Variants in ZFAND6 observed in about 807,000 individuals in gnomAD.
The protein encoded by ZFAND6 is zinc finger AN1-type containing 6, also known as AN1-type zinc finger protein 6.
ZFAND6 carries 12 observed loss-of-function variants against 24.5 expected under a neutral mutation model. That is an observed-to-expected ratio of 0.49 (90% confidence interval 0.31 to 0.79). The LOEUF (loss-of-function observed/expected upper bound fraction) is 0.79, where lower values mean the gene tolerates loss of function less well. Among genes scored for constraint, ZFAND6 ranks in the 30% least tolerant of loss-of-function variants. ZFAND6 has a pLI of 0.04. For missense variants in ZFAND6, 207 were observed against 245.9 expected, an observed-to-expected ratio of 0.84 and a Z score of 1.06; for synonymous variants, 92 against 81.5, an observed-to-expected ratio of 1.13 and a Z score of -0.69.
At chr15:80,093,941 T>C (rs1042257460) in intron 1 of ZFAND6, among the ~76,000 whole-genome samples, 3 of 152,182 alleles carry the variant, frequency 2.0e-5, no homozygotes. Flanking sequence ...AGTCATACCT[T>C]ATCATCAGTG....
chr15:80,100,586 T>C (rs1234901595), intron 2 of ZFAND6, among the ~76,000 whole-genome samples: 1 of 152,240 alleles, frequency 6.6e-6, no homozygotes, highest in Non-Finnish European at 1.5e-5. Flanking sequence ...CATGTAGGAA[T>C]ATGTGAGCAA....
chr15:80,071,221 C>T (rs750620231), intron 1 of ZFAND6, among the ~76,000 whole-genome samples: 19 of 152,232 alleles, frequency 1.2e-4, no homozygotes, highest in Admixed American at 1.2e-3. Context: ...TTTGAGTTTT[C>T]TCTGAGGAAA....
intron 2 of ZFAND6, among the ~76,000 whole-genome samples, 191 bp downstream of exon 2, chr15:80,098,769 A>G (rs541863226): frequency 2.0e-5 from 3 of 152,258 alleles, no homozygotes; most frequent in African/African-American, 7.2e-5. Context: ...AATTTGTGCA[A>G]TAACATTTAT....
intron 1 of ZFAND6, among the ~76,000 whole-genome samples, chr15:80,080,030 G>A (rs2037559488): frequency 6.8e-6 from 1 of 146,938 alleles, no homozygotes; most frequent in Non-Finnish European, 1.5e-5. Context: ...ATAGAGTCTT[G>A]CTCACCCACC....
intron 1 of ZFAND6, among the ~76,000 whole-genome samples, chr15:80,077,362 G>A (rs570061415): frequency 1.2e-3 from 180 of 152,214 alleles, no homozygotes; most frequent in Non-Finnish European, 2.0e-3. Context: ...TAAAATTGAC[G>A]TGAACAGAAA....
chr15:80,136,010 C>A (rs1224735736), intron 6 of ZFAND6, among the ~76,000 whole-genome samples: 3 of 151,944 alleles, frequency 2.0e-5, no homozygotes, highest in Non-Finnish European at 4.4e-5. Flanking sequence ...CCTGTAGTCC[C>A]AGCTACTCAG....
At chr15:80,094,360 C>T (rs1305596531) in intron 1 of ZFAND6, among the ~76,000 whole-genome samples, 1 of 152,136 alleles carries the variant, frequency 6.6e-6, no homozygotes, top group Non-Finnish European at 1.5e-5. Flanking sequence ...AGTGCGAACC[C>T]TCTTGAGAAC....
intron 1 of ZFAND6, among the ~76,000 whole-genome samples, chr15:80,072,995 C>G (rs750681064): frequency 6.6e-6 from 1 of 151,818 alleles, no homozygotes; most frequent in Non-Finnish European, 1.5e-5. Flanking sequence ...TTTGATATGT[C>G]ATTTTCCTTA....
rs143732781 is a variant in ZFAND6, at chr15:80,137,455, T to C, written c.479-25T>C. The C allele has an allele frequency of 1.8e-4, 289 of 1,588,720 alleles. 2 individuals carry two copies. The East Asian group carries it at 5.9e-3, about 32-fold the overall frequency. ...CCTTAATATTTCATCCTTCAACTCA[T>C]GTATGTGTATTACTCCATTTCCAGG... On this transcript the variant is annotated intron_variant, in intron 6 of 6. Transcript: ENST00000261749.
intron 1 of ZFAND6, among the ~76,000 whole-genome samples, chr15:80,088,962 A>G (rs1159155086): frequency 2.6e-5 from 4 of 152,026 alleles, no homozygotes; most frequent in Admixed American, 2.0e-4. Flanking sequence ...TATCCATAAT[A>G]GACCCACCAT....
chr15:80,083,803 G>C (rs958705753), intron 1 of ZFAND6, among the ~76,000 whole-genome samples: 2 of 152,022 alleles, frequency 1.3e-5, no homozygotes, highest in African/African-American at 4.8e-5. Context: ...AGGAGGTTGC[G>C]GTGAGCTCAG....
In ZFAND6 at chr15:80,121,693, C is replaced by CA; in HGVS notation, c.155-17dup. ...CTGAGCATATAGAATCACTAATACGCAATGTGGTACTGTTACAGCAACCTC... is the reference window on the plus strand; with the variant it reads ...CTGAGCATATAGAATCACTAATACGCAAATGTGGTACTGTTACAGCAACCTC... On this transcript the variant is annotated intron_variant, in intron 3 of 6. Transcript: ENST00000261749. 6.2e-7 allele frequency: 1 copy of CA among 1,600,876 alleles called. No homozygotes were observed. Among genetic ancestry groups the CA allele is most frequent in the Non-Finnish European group, 8.6e-7 (1 of 1,168,588 alleles).
chr15:80,136,116 CCT>C (rs1048897529), intron 6 of ZFAND6, among the ~76,000 whole-genome samples: 2 of 147,750 alleles, frequency 1.4e-5, no homozygotes, highest in African/African-American at 4.9e-5. Context: ...ACAGTGAGAC[CCT>C]GTGTCAAAAA....
chr15:80,116,360 G>A (rs932744948), intron 2 of ZFAND6, among the ~76,000 whole-genome samples: 6 of 152,120 alleles, frequency 3.9e-5, no homozygotes, highest in Admixed American at 1.3e-4. Flanking sequence ...GTTATATCTA[G>A]TGAAATCATA....
intron 2 of ZFAND6, among the ~76,000 whole-genome samples, chr15:80,104,704 T>A (rs927992039): frequency 6.6e-6 from 1 of 152,252 alleles, no homozygotes; most frequent in Non-Finnish European, 1.5e-5. Flanking sequence ...GATTTTGTTT[T>A]TCTTAAGTAG....
At chr15:80,075,463 T>C (rs1419352155) in intron 1 of ZFAND6, 1 of 155,516 alleles carries the variant, frequency 6.4e-6, no homozygotes, top group Non-Finnish European at 1.5e-5. Context: ...GGGAGTATCT[T>C]TTTGGTTTCC....
At chr15:80,091,375 T>G (rs1367573911) in intron 1 of ZFAND6, among the ~76,000 whole-genome samples, 2 of 152,216 alleles carry the variant, frequency 1.3e-5, no homozygotes, top group Non-Finnish European at 2.9e-5. Flanking sequence ...AAGCCATACT[T>G]CATTCTTCTA....
chr15:80,064,056 T>G (rs1405913252), intron 1 of ZFAND6, among the ~76,000 whole-genome samples: 2 of 152,246 alleles, frequency 1.3e-5, no homozygotes, highest in African/African-American at 2.4e-5. Flanking sequence ...GACAGTTCCA[T>G]CTTATAAAAG....
chr15:80,083,647 G>A (rs997363817), intron 1 of ZFAND6, among the ~76,000 whole-genome samples: 14 of 152,306 alleles, frequency 9.2e-5, no homozygotes, highest in Admixed American at 9.2e-4. Context: ...AGTGGCTCAT[G>A]CCTGTAATCC....
Sources: gnomAD v4.1 joint callset for allele counts (sites outside exome capture counted in the v4.1 genomes callset) on GRCh38, gnomAD v4.1.1 for gene constraint, MANE v1.5 for transcripts, NCBI Gene and HGNC (gene_info 2026-07-23, HGNC 2026-07-21) for gene names.